CEP128: variants seen among roughly 807,000 people sequenced by gnomAD.
The protein encoded by CEP128 is centrosomal protein 128, also known as centrosomal protein 128kDa.
A neutral mutation model predicts 156.7 loss-of-function variants in CEP128; 132 were observed. The ratio of observed to expected loss-of-function variants is 0.84; its 90% CI spans 0.73 to 0.97. CEP128 has a LOEUF of 0.97. Ranked by LOEUF, CEP128 falls within the 50% of genes least tolerant of loss-of-function variation. CEP128 has a pLI of 0.00. For missense variants in CEP128, 1,252 were observed against 1,281.9 expected, an observed-to-expected ratio of 0.98 and a Z score of 0.36; for synonymous variants, 469 against 448.9, an observed-to-expected ratio of 1.04 and a Z score of -0.57.
chr14:80,676,695 C>T (rs1176967568), intron 19 of CEP128, among the ~76,000 whole-genome samples: 1 of 152,084 alleles, frequency 6.6e-6, no homozygotes, highest in African/African-American at 2.4e-5. Context: ...AGATATATCA[C>T]ATTTAAAAAT....
intron 19 of CEP128, among the ~76,000 whole-genome samples, chr14:80,624,173 G>C (rs1225279459): frequency 6.6e-6 from 1 of 152,102 alleles, no homozygotes; most frequent in Non-Finnish European, 1.5e-5. Flanking sequence ...AGAACACGCA[G>C]TCTTTATCTT....
chr14:80,568,274 C>T (rs925529448), intron 20 of CEP128, among the ~76,000 whole-genome samples: 1 of 152,158 alleles, frequency 6.6e-6, no homozygotes, highest in Non-Finnish European at 1.5e-5. Flanking sequence ...AGAATCCTTC[C>T]TCCCACGCCG....
upstream of CEP128, among the ~76,000 whole-genome samples, chr14:80,944,272 A>T (rs1295209231): frequency 6.6e-6 from 1 of 152,152 alleles, no homozygotes; most frequent in Non-Finnish European, 1.5e-5. Context: ...CTGTGTCCTC[A>T]CCCAAATCTC....
At chr14:80,684,319 C>T (rs1019962588) in intron 19 of CEP128, among the ~76,000 whole-genome samples, 8 of 152,098 alleles carry the variant, frequency 5.3e-5, no homozygotes, top group African/African-American at 1.9e-4. Flanking sequence ...ACAAACACCT[C>T]TATGCATACA....
intron 21 of CEP128, among the ~76,000 whole-genome samples, chr14:80,553,632 C>T (rs1410455306): frequency 2.0e-5 from 3 of 152,164 alleles, no homozygotes; most frequent in Non-Finnish European, 2.9e-5. Context: ...AGTGTCTTCT[C>T]TATAAAGCAC....
At chr14:80,757,650 T>C (rs989875357) in intron 17 of CEP128, among the ~76,000 whole-genome samples, 15 of 152,242 alleles carry the variant, frequency 9.9e-5, no homozygotes, top group African/African-American at 3.4e-4. Context: ...AACTCTGTGC[T>C]ACAAATAATA....
intron 19 of CEP128, among the ~76,000 whole-genome samples, chr14:80,608,049 C>T (rs1417591444): frequency 6.6e-6 from 1 of 152,184 alleles, no homozygotes; most frequent in Admixed American, 6.6e-5. Context: ...GCCTAGAACA[C>T]ACTTTTCATT....
chr14:80,625,426 T>C (rs1893670474), intron 19 of CEP128, among the ~76,000 whole-genome samples: 1 of 152,200 alleles, frequency 6.6e-6, no homozygotes, highest in Admixed American at 6.5e-5. Context: ...GCTTTGGCTA[T>C]TTGAGGTTTT....
At chr14:80,783,955 G>A (rs1901259891) in intron 15 of CEP128, among the ~76,000 whole-genome samples, 1 of 152,062 alleles carries the variant, frequency 6.6e-6, no homozygotes, top group Non-Finnish European at 1.5e-5. Flanking sequence ...CTAGGACTGG[G>A]GAAGGACTCA....
chr14:80,656,291 T>TTATATATATATATA (rs1159139132), intron 19 of CEP128, among the ~76,000 whole-genome samples: 3 of 25,694 alleles, frequency 1.2e-4, no homozygotes, highest in Non-Finnish European at 2.0e-4. Context: ...ATATATATAT[T>TTATATATATATATA]TATATATATA....
intron 23 of CEP128, among the ~76,000 whole-genome samples, chr14:80,512,124 T>C (rs1460675464): frequency 6.6e-6 from 1 of 152,082 alleles, no homozygotes; most frequent in Admixed American, 6.5e-5. Flanking sequence ...TATGCTTCTT[T>C]GTTGATTTTC....
rs35523389 is a variant in CEP128, at chr14:80,541,443, T to TAAAA, written c.2881-10561_2881-10558dup. 7.9e-3 allele frequency among the ~76,000 whole-genome samples: 863 copies of TAAAA among 109,860 alleles called. 12 individuals carry two copies. The highest frequency in any genetic ancestry group is 0.032 in the African/African-American group (832 of 26,172). The allele number at this position is 109,860 out of a possible 152,430, so 72.1% of individuals were successfully genotyped here. On this transcript the variant is annotated intron_variant, in intron 21 of 24. Transcript: ENST00000555265. ...CAGAAAGTGAAGCTAATGACTGTGT[T>TAAAA]AAAAAAAAAAAAAAAAAAAAAACCA...
rs1221136563 is a variant in CEP128, at chr14:80,836,333, T to C, written c.929A>G (p.Glu310Gly). 5 of 1,613,950 alleles carry C rather than the reference T, an allele frequency of 3.1e-6. No individual in the cohort carries two copies. Among genetic ancestry groups the C allele is most frequent in the Non-Finnish European group, 4.2e-6 (5 of 1,179,922 alleles). The stretch of plus-strand genomic sequence containing the variant: ...TTTCGTAAGTTGTGTACGCAGTTCT[T>C]CTACCTAACACATGGTCAAAAATCA... Reference protein sequence around the residue: ...GSRETLLHQVEELRTQLTKAE... With the variant: ...GSRETLLHQVGELRTQLTKAE... Residue 310 changes from glutamate to glycine, a missense_variant, in exon 12 of 25, where the codon GAA becomes GGA. Glu to Gly is a moderately conservative substitution (Grantham distance 98). Coordinates refer to ENST00000555265, the MANE Select transcript of CEP128 (RefSeq NM_152446.5).
downstream of CEP128, among the ~76,000 whole-genome samples, chr14:80,492,728 T>C (rs147662647): frequency 7.0e-3 from 1,072 of 152,216 alleles, 20 homozygotes; most frequent in African/African-American, 0.024. Context: ...TTTAAAAATT[T>C]ATAAGAAAAA....
rs1296155156 is a variant in CEP128 at position 80,777,845 on chromosome 14, A to T, written c.2376+37T>A. The T allele has an allele frequency of 2.1e-6, 3 of 1,411,070 alleles. No homozygotes were observed. In the East Asian group the frequency reaches 6.9e-5, roughly 32 times the overall value. 87.4% of individuals were successfully genotyped at this position (1,411,070 alleles called of 1,614,324 possible). A position where few individuals can be genotyped will look rare whatever the true frequency, so the allele number is the denominator to read the frequency against. On this transcript the variant is annotated intron_variant, in intron 16 of 24. Transcript: ENST00000555265. Reference sequence around the variant, plus strand: ...TTTTCTAGAGGAAATTAAAATTGAAATTAGAATTTGAAATTAGAATTCACT... The same window carrying T: ...TTTTCTAGAGGAAATTAAAATTGAATTTAGAATTTGAAATTAGAATTCACT...
chr14:80,485,768 C>A (rs1887149942), downstream of CEP128, among the ~76,000 whole-genome samples: 1 of 152,134 alleles, frequency 6.6e-6, no homozygotes, highest in Non-Finnish European at 1.5e-5. Flanking sequence ...TGGAAGGCCA[C>A]TAGTGCTGAG....
intron 18 of CEP128, among the ~76,000 whole-genome samples, chr14:80,753,953 C>T (rs1899515141): frequency 6.6e-6 from 1 of 152,084 alleles, no homozygotes; most frequent in Admixed American, 6.5e-5. Context: ...TTAATTCAGA[C>T]TCTCACTCTA....
chr14:80,876,185 A>AAC (rs940206324), intron 8 of CEP128, among the ~76,000 whole-genome samples: 10 of 151,570 alleles, frequency 6.6e-5, no homozygotes, highest in Middle Eastern at 3.4e-3. Flanking sequence ...AACAAGTCAA[A>AAC]ACACACACAC....
chr14:80,892,697 T>A (rs986458752), intron 8 of CEP128, among the ~76,000 whole-genome samples: 75 of 126,346 alleles, frequency 5.9e-4, no homozygotes, highest in African/African-American at 2.2e-3. Context: ...TACAACTCAA[T>A]AGTAGAAAAA....
Sources: gnomAD v4.1 joint callset for allele counts (sites outside exome capture counted in the v4.1 genomes callset) on GRCh38, gnomAD v4.1.1 for gene constraint, MANE v1.5 for transcripts, NCBI Gene and HGNC (gene_info 2026-07-23, HGNC 2026-07-21) for gene names.